Variants in SNX29 observed in about 807,000 individuals in gnomAD.
SNX29 encodes sorting nexin 29, also known as sorting nexin-29.
Under a neutral mutation model 102.1 loss-of-function variants are expected in SNX29, and 78 were observed. The observed-to-expected ratio is 0.76, with a 90% CI of 0.64 to 0.92. The LOEUF (loss-of-function observed/expected upper bound fraction) is 0.92. Among genes scored for constraint, SNX29 ranks in the 40% least tolerant of loss-of-function variants. The pLI, the probability that SNX29 is intolerant of heterozygous loss-of-function variation, is 0.00. For missense variants in SNX29, 1,280 were observed against 1,061.7 expected (o/e 1.21, Z -2.86); for synonymous variants, 580 against 414.5 (o/e 1.40, Z -4.85).
At chr16:12,073,170 C>T (rs2051378836) in intron 10 of SNX29, among the ~76,000 whole-genome samples, 1 of 152,020 alleles carries the variant, frequency 6.6e-6, no homozygotes, top group African/African-American at 2.4e-5. Context: ...CTATTTCCTT[C>T]AGTTCTGCTC....
chr16:12,488,287 G>T (rs983178042), intron 19 of SNX29, among the ~76,000 whole-genome samples: 17 of 152,224 alleles, frequency 1.1e-4, no homozygotes, highest in Middle Eastern at 3.4e-3. Flanking sequence ...GTCTCAAGTT[G>T]TAGAACTTGC....
chr16:12,071,372 T>A (rs1371240012), intron 10 of SNX29, among the ~76,000 whole-genome samples: 4 of 152,200 alleles, frequency 2.6e-5, no homozygotes, highest in African/African-American at 9.6e-5. Context: ...GGATCCAGTT[T>A]CAGCTTTCTA....
chr16:12,197,557 T>C (rs144312656), intron 13 of SNX29, among the ~76,000 whole-genome samples: 2 of 152,162 alleles, frequency 1.3e-5, no homozygotes, highest in African/African-American at 4.8e-5. Flanking sequence ...GGCGACAGAG[T>C]GAGACTGCAT....
chr16:12,311,205 C>T (rs1055203141), intron 15 of SNX29, among the ~76,000 whole-genome samples: 9 of 152,162 alleles, frequency 5.9e-5, no homozygotes, highest in Admixed American at 5.9e-4. Flanking sequence ...ACCCCCCGCC[C>T]CCTACCCTAG....
chr16:12,469,606 G>T (rs868589792), intron 18 of SNX29, among the ~76,000 whole-genome samples: 1 of 152,190 alleles, frequency 6.6e-6, no homozygotes, highest in South Asian at 2.1e-4. Context: ...TGTGGTATAG[G>T]CTTTAGGGGC....
intron 20 of SNX29, among the ~76,000 whole-genome samples, chr16:12,535,713 C>G (rs1420265359): frequency 6.6e-6 from 1 of 152,096 alleles, no homozygotes; most frequent in Non-Finnish European, 1.5e-5. Flanking sequence ...CTCTGTGCCC[C>G]TTGTAAACAA....
chr16:12,334,621 C>G (rs888465402), intron 15 of SNX29, among the ~76,000 whole-genome samples: 24 of 152,136 alleles, frequency 1.6e-4, no homozygotes, highest in African/African-American at 5.1e-4. Context: ...TTTGATTTGG[C>G]TAATTCGGTT....
chr16:12,431,500 A>G (rs1004748241), intron 18 of SNX29, among the ~76,000 whole-genome samples: 1 of 148,150 alleles, frequency 6.7e-6, no homozygotes, highest in African/African-American at 2.5e-5. Flanking sequence ...ACAGTGTACG[A>G]ATGATGCTCT....
At chr16:12,313,100 G>A (rs965159988) in intron 15 of SNX29, among the ~76,000 whole-genome samples, 2 of 151,560 alleles carry the variant, frequency 1.3e-5, no homozygotes, top group Non-Finnish European at 2.9e-5. Flanking sequence ...TACAACCTCC[G>A]CCTCCTGGGG....
chr16:12,014,999 C>T (rs536058147), intron 3 of SNX29, among the ~76,000 whole-genome samples: 6 of 151,786 alleles, frequency 4.0e-5, no homozygotes, highest in African/African-American at 1.5e-4. Flanking sequence ...GGGAGGGTCC[C>T]GTTTTTTCTG....
intron 15 of SNX29, among the ~76,000 whole-genome samples, chr16:12,314,796 A>T (rs1489413072): frequency 6.6e-6 from 1 of 152,230 alleles, no homozygotes; most frequent in Non-Finnish European, 1.5e-5. Context: ...GTTGAGCAGA[A>T]AGAAGCAGCA....
At chr16:12,491,101 G>C (rs2088523472) in intron 19 of SNX29, among the ~76,000 whole-genome samples, 2 of 152,234 alleles carry the variant, frequency 1.3e-5, no homozygotes, top group South Asian at 4.1e-4. Flanking sequence ...GCATTCTAAT[G>C]CATTAACTGC....
chr16:12,427,721 C>T (rs1004813072), intron 18 of SNX29, among the ~76,000 whole-genome samples: 7 of 152,196 alleles, frequency 4.6e-5, no homozygotes, highest in East Asian at 3.9e-4. Flanking sequence ...GGGTGCAGAG[C>T]GCCCTTGATG....
chr16:12,567,844 G>T (rs2079076310), intron 20 of SNX29, among the ~76,000 whole-genome samples: 1 of 152,120 alleles, frequency 6.6e-6, no homozygotes, highest in Admixed American at 6.5e-5. Context: ...AAGCCTCCCA[G>T]CCTCTACCCT....
chr16:12,547,314 C>G (rs1002345870), intron 20 of SNX29, among the ~76,000 whole-genome samples: 2 of 152,140 alleles, frequency 1.3e-5, no homozygotes, highest in African/African-American at 2.4e-5. Flanking sequence ...CAGGGTAGCC[C>G]AGGAACAGAG....
At position 12,471,831 on chromosome 16, in the gene SNX29, C is replaced by T. The variant is rs143549018; in HGVS notation, c.2038-5888C>T. Among the ~76,000 whole-genome samples the T allele has an allele frequency of 5.0e-4, 76 of 152,344 alleles. 2 individuals carry two copies. The East Asian group carries it at 0.013, about 25-fold the overall frequency. Reference sequence around the variant, plus strand: ...CCCAGATATAGATCCTGGATGTTTCCAGCACCCAGAAGACTCCTTTGTGCC... The same window carrying T: ...CCCAGATATAGATCCTGGATGTTTCTAGCACCCAGAAGACTCCTTTGTGCC... On this transcript the variant is annotated intron_variant, in intron 18 of 20. Coordinates refer to ENST00000566228, the MANE Select transcript of SNX29 (RefSeq NM_032167.5).
chr16:12,054,225 C>G (rs1462303734), intron 8 of SNX29, among the ~76,000 whole-genome samples: 1 of 152,220 alleles, frequency 6.6e-6, no homozygotes, highest in Non-Finnish European at 1.5e-5. Flanking sequence ...CTTGGCCTCC[C>G]AAAGTGCTGG....
intron 20 of SNX29, among the ~76,000 whole-genome samples, chr16:12,563,290 A>G (rs1370261065): frequency 6.6e-6 from 1 of 152,092 alleles, no homozygotes; most frequent in African/African-American, 2.4e-5. Context: ...CTGGATCCAC[A>G]GCTCGGAAAG....
chr16:12,473,113 CA>C (rs2087436342), intron 18 of SNX29, among the ~76,000 whole-genome samples: 1 of 151,980 alleles, frequency 6.6e-6, no homozygotes, highest in Non-Finnish European at 1.5e-5. Flanking sequence ...AAATAACAAA[CA>C]AAACAAAAAA....
Sources: allele counts gnomAD v4.1 joint callset (sites outside exome capture counted in the v4.1 genomes callset), GRCh38; gene constraint gnomAD v4.1.1; transcripts MANE v1.5; gene names NCBI Gene and HGNC (gene_info 2026-07-23, HGNC 2026-07-21).